Variants in POLR3B observed in about 807,000 individuals in gnomAD.
POLR3B encodes RNA polymerase III subunit B, also known as DNA-directed RNA polymerase III subunit RPC2.
POLR3B carries 96 observed loss-of-function variants against 147.4 expected under a neutral mutation model. The ratio of observed to expected loss-of-function variants is 0.65; its 90% CI spans 0.55 to 0.77. The LOEUF (loss-of-function observed/expected upper bound fraction) is 0.77. POLR3B is among the 30% of genes least tolerant of loss of function. The pLI is 0.00. For missense variants in POLR3B, 1,036 were observed against 1,413.5 expected, an observed-to-expected ratio of 0.73 and a Z score of 4.28; for synonymous variants, 461 against 485.9, an observed-to-expected ratio of 0.95 and a Z score of 0.67.
chr12:106,506,156 A>G (rs1032023963), intron 27 of POLR3B, among the ~76,000 whole-genome samples: 1 of 152,220 alleles, frequency 6.6e-6, no homozygotes, highest in East Asian at 1.9e-4. Flanking sequence ...TTTGAAATGC[A>G]TATTGAGCTT....
chr12:106,418,484 CTG>C (rs2037334725), intron 12 of POLR3B, among the ~76,000 whole-genome samples: 1 of 152,218 alleles, frequency 6.6e-6, no homozygotes, highest in Admixed American at 6.5e-5. Flanking sequence ...ATTTGGCACT[CTG>C]TAGGCTTAAA....
At chr12:106,396,120 G>A (rs148575850) in intron 10 of POLR3B, among the ~76,000 whole-genome samples, 70 of 152,230 alleles carry the variant, frequency 4.6e-4, no homozygotes, top group African/African-American at 1.5e-3. Flanking sequence ...GGAGGCACTA[G>A]GCATGTTATC....
Position 106,403,777 on chromosome 12 carries a change from G to A in POLR3B, c.847-2080G>A, listed in dbSNP as rs532306348. Among the ~76,000 whole-genome samples, 864 of 139,240 alleles carry A rather than the reference G, an allele frequency of 6.2e-3. 9 individuals are homozygous for A. The highest frequency in any genetic ancestry group is 0.022 in the African/African-American group (826 of 37,764). 91.3% of individuals were successfully genotyped at this position (139,240 alleles called of 152,430 possible). ...TTGAACAATGAGAACACATGGACAC[G>A]GGGTGGGGAACATCACACACCGGGG... On this transcript the variant is annotated intron_variant, in intron 10 of 27. Transcript: ENST00000228347.
rs768889169 is a variant in POLR3B at position 106,427,350 on chromosome 12, A to G, written c.1255A>G (p.Ile419Val). ...GATCACCAATGGCATGGTGAATGCT[A>G]TTTCTACCGTAAGTCTTCAGTCACT... ...DQITNGMVNAISTGNWSLKRF... is the reference protein window; with the variant it reads ...DQITNGMVNAVSTGNWSLKRF... The change falls in exon 13 of 28, where the codon ATT (isoleucine) becomes GTT (valine). Residue 419 changes from isoleucine (I) to valine (V), a missense_variant. Physicochemically the swap from Ile to Val is conservative, Grantham distance 29. This residue lies in a region of POLR3B where 89 missense variants were observed against 110.9 expected (regional missense o/e 0.80). Transcript: ENST00000228347. The G allele has an allele frequency of 1.5e-5, 24 of 1,613,240 alleles. No homozygotes were observed. Among genetic ancestry groups the G allele is most frequent in the Non-Finnish European group, 2.0e-5 (23 of 1,179,426 alleles).
intron 12 of POLR3B, among the ~76,000 whole-genome samples, chr12:106,417,565 G>A (rs2136944058): frequency 6.6e-6 from 1 of 152,248 alleles, no homozygotes; most frequent in Middle Eastern, 3.4e-3. Context: ...GAGAGATAGT[G>A]CGGCTGGGAT....
In POLR3B at chr12:106,430,278, T is replaced by C. The variant is rs756473072; in HGVS notation, c.1269T>C (p.Asn423=). ...TGTCTTTCATCTCCCTACAGGGAAATTGGTCTTTAAAGAGATTTAAAATGG... is the reference window on the plus strand; with the variant it reads ...TGTCTTTCATCTCCCTACAGGGAAACTGGTCTTTAAAGAGATTTAAAATGG... The part of the protein sequence containing the change: ...NGMVNAISTG[N]WSLKRFKMDR... The change falls in exon 14 of 28, where the codon AAT becomes AAC. Residue 423 remains asparagine (N), a synonymous_variant. Transcript: ENST00000228347. 6.2e-7 allele frequency: 1 copy of C among 1,613,162 alleles called. No individual in the cohort carries two copies. The highest frequency in any genetic ancestry group is 8.5e-7 in the Non-Finnish European group (1 of 1,179,180).
chr12:106,414,497 A>T (rs1405982185), intron 12 of POLR3B, among the ~76,000 whole-genome samples: 1 of 152,124 alleles, frequency 6.6e-6, no homozygotes, highest in African/African-American at 2.4e-5. Context: ...TCTGAGGATT[A>T]TGAGTTTCAA....
At chr12:106,426,094 A>G (rs936899968) in intron 12 of POLR3B, among the ~76,000 whole-genome samples, 1 of 152,094 alleles carries the variant, frequency 6.6e-6, no homozygotes, top group African/African-American at 2.4e-5. Context: ...AATAGCTAGT[A>G]TAAGTATCTT....
At chr12:106,403,912 G>A (rs1375531447) in intron 10 of POLR3B, among the ~76,000 whole-genome samples, 1 of 151,714 alleles carries the variant, frequency 6.6e-6, no homozygotes, top group Non-Finnish European at 1.5e-5. Context: ...GTATACATAT[G>A]TAACAAACCT....
chr12:106,433,931 A>G, intron 16 of POLR3B, 59 bp downstream of exon 16: 1 of 1,370,558 alleles, frequency 7.3e-7, no homozygotes, highest in South Asian at 1.2e-5. Context: ...TGCTCTTGAA[A>G]GAAATAGACT....
At chr12:106,453,026 C>CTTT (rs770997629) in intron 19 of POLR3B, among the ~76,000 whole-genome samples, 3,115 of 135,906 alleles carry the variant, frequency 0.023, 133 homozygotes, top group African/African-American at 0.08. Context: ...TTCTTTTCTT[C>CTTT]TTTTTTTTTT....
At chr12:106,491,286 C>A (rs1467960458) in intron 23 of POLR3B, among the ~76,000 whole-genome samples, 1 of 152,114 alleles carries the variant, frequency 6.6e-6, no homozygotes, top group Non-Finnish European at 1.5e-5. Context: ...TTCCCCCGCA[C>A]CCCCAAAGTA....
chr12:106,458,093 C>A (rs998761988), intron 21 of POLR3B, among the ~76,000 whole-genome samples: 2 of 152,044 alleles, frequency 1.3e-5, no homozygotes, highest in Admixed American at 1.3e-4. Flanking sequence ...CAAGTCCTTG[C>A]AACCATGTTA....
chr12:106,469,156 T>G (rs1287042707), intron 23 of POLR3B, among the ~76,000 whole-genome samples: 2 of 152,194 alleles, frequency 1.3e-5, no homozygotes, highest in African/African-American at 4.8e-5. Flanking sequence ...TTAGGATAGT[T>G]AGCTCTTCTT....
chr12:106,368,543 A>C (rs1405775089), intron 4 of POLR3B, among the ~76,000 whole-genome samples: 1 of 152,122 alleles, frequency 6.6e-6, no homozygotes, highest in Admixed American at 6.5e-5. Flanking sequence ...TTTAAAAAAA[A>C]ATTTTTCAAT....
At chr12:106,493,548 A>G (rs1310721218) in intron 23 of POLR3B, among the ~76,000 whole-genome samples, 1 of 152,174 alleles carries the variant, frequency 6.6e-6, no homozygotes, top group Non-Finnish European at 1.5e-5. Context: ...TTAACTTCTA[A>G]GCTCATTATG....
chr12:106,383,737 T>C (rs2036796128), intron 9 of POLR3B, among the ~76,000 whole-genome samples: 1 of 152,134 alleles, frequency 6.6e-6, no homozygotes. Context: ...CCCAGCACTT[T>C]GGGAGGCTGA....
intron 12 of POLR3B, among the ~76,000 whole-genome samples, chr12:106,425,055 G>C (rs889302521): frequency 3.3e-5 from 5 of 152,140 alleles, no homozygotes; most frequent in African/African-American, 1.2e-4. Flanking sequence ...TTATCTGCAA[G>C]TAAAGACAGT....
chr12:106,454,872 A>G (rs1383780050), intron 20 of POLR3B, among the ~76,000 whole-genome samples, 161 bp downstream of exon 20: 3 of 152,156 alleles, frequency 2.0e-5, no homozygotes, highest in East Asian at 3.8e-4. Context: ...CTTTCTTGTC[A>G]TTTTTAATGA....
Sources: allele counts gnomAD v4.1 joint callset (sites outside exome capture counted in the v4.1 genomes callset), GRCh38; gene constraint gnomAD v4.1.1; regional missense constraint gnomAD v4.1.1; transcripts MANE v1.5; gene names NCBI Gene and HGNC (gene_info 2026-07-23, HGNC 2026-07-21).